The following LYPD6 variants were observed in gnomAD, a reference collection of about 807,000 sequenced individuals.
LYPD6 encodes the protein LY6/PLAUR domain containing 6.
In LYPD6, 15 loss-of-function variants were observed where a neutral mutation model predicts 22.7. That is an observed-to-expected ratio of 0.66 (90% CI 0.44 to 1.02). The LOEUF (loss-of-function observed/expected upper bound fraction) is 1.02. Among genes scored for constraint, LYPD6 ranks in the 50% least tolerant of loss-of-function variants. The pLI is 0.00. For synonymous variants in LYPD6, 72 were observed against 77.5 expected (o/e 0.93, Z 0.37); for missense variants, 189 against 208.4 (o/e 0.91, Z 0.57).
At chr2:149,460,646 A>G (rs1386300559) in intron 3 of LYPD6, among the ~76,000 whole-genome samples, 1 of 152,172 alleles carries the variant, frequency 6.6e-6, no homozygotes, top group Non-Finnish European at 1.5e-5. Flanking sequence ...TCTAATTGAC[A>G]TTTACAGAAC....
At chr2:149,479,607 T>C in the LYPD6 span, among the ~76,000 whole-genome samples, 5 of 152,266 alleles carry the variant, frequency 3.3e-5, no homozygotes, top group East Asian at 9.7e-4. Flanking sequence ...GGGTTTCTCC[T>C]TCACACTTCC....
At chr2:149,399,064 T>G (rs781641227) in intron 1 of LYPD6, among the ~76,000 whole-genome samples, 8 of 152,066 alleles carry the variant, frequency 5.3e-5, no homozygotes, top group Admixed American at 2.6e-4. Flanking sequence ...TATATGCAGT[T>G]ATGTAGTTGA....
At chr2:149,411,984 G>T (rs58222812) in intron 1 of LYPD6, among the ~76,000 whole-genome samples, 3,404 of 152,150 alleles carry the variant, frequency 0.022, 110 homozygotes, top group African/African-American at 0.078. Context: ...ATTAAAGTCT[G>T]TACGATATTC....
intron 3 of LYPD6, among the ~76,000 whole-genome samples, chr2:149,463,109 A>C (rs1681123215): frequency 6.6e-6 from 1 of 152,140 alleles, no homozygotes; most frequent in African/African-American, 2.4e-5. Context: ...AATGCAAGCT[A>C]TGAAATGGGA....
At chr2:149,474,508 T>G (rs1229750257), downstream of LYPD6, among the ~76,000 whole-genome samples, 1 of 152,042 alleles carries the variant, frequency 6.6e-6, no homozygotes, top group Non-Finnish European at 1.5e-5. Flanking sequence ...GCACCCAATC[T>G]CTGGTTATTT....
At chr2:149,408,450 A>G (rs575965589) in intron 1 of LYPD6, among the ~76,000 whole-genome samples, 27 of 152,294 alleles carry the variant, frequency 1.8e-4, no homozygotes, top group African/African-American at 6.5e-4. Flanking sequence ...TTGAATATCT[A>G]GATCTCTAGC....
downstream of LYPD6, among the ~76,000 whole-genome samples, chr2:149,474,559 C>T (rs1457667351): frequency 6.6e-6 from 1 of 152,140 alleles, no homozygotes; most frequent in Non-Finnish European, 1.5e-5. Flanking sequence ...ATCTTTTCCA[C>T]AAACTTATAT....
chr2:149,356,944 T>A (rs1319409880), intron 1 of LYPD6, among the ~76,000 whole-genome samples: 4 of 152,222 alleles, frequency 2.6e-5, no homozygotes, highest in Non-Finnish European at 4.4e-5. Context: ...TGTATGTACT[T>A]TTAGGCTGAG....
intron 3 of LYPD6, among the ~76,000 whole-genome samples, chr2:149,458,947 A>G (rs563490363): frequency 2.7e-4 from 41 of 152,316 alleles, no homozygotes; most frequent in African/African-American, 8.7e-4. Flanking sequence ...TCAGAGATCT[A>G]TGGAGCTGTA....
At chr2:149,401,590 T>C (rs1204320617) in intron 1 of LYPD6, among the ~76,000 whole-genome samples, 1 of 152,232 alleles carries the variant, frequency 6.6e-6, no homozygotes, top group African/African-American at 2.4e-5. Context: ...ACACATTTTC[T>C]ATATCTGGTG....
intron 1 of LYPD6, among the ~76,000 whole-genome samples, chr2:149,352,125 TGAG>T (rs1314475075): frequency 2.0e-5 from 3 of 151,658 alleles, no homozygotes; most frequent in East Asian, 1.9e-4. Context: ...GCCATCTAAA[TGAG>T]GAGGAAAAAA....
chr2:149,443,597 A>T (rs1683615370), intron 2 of LYPD6, among the ~76,000 whole-genome samples: 1 of 152,220 alleles, frequency 6.6e-6, no homozygotes, highest in Non-Finnish European at 1.5e-5. Flanking sequence ...AAGTATTTTA[A>T]ACTTGATAGG....
chr2:149,438,053 A>G (rs1475807522), intron 2 of LYPD6, among the ~76,000 whole-genome samples: 1 of 152,152 alleles, frequency 6.6e-6, no homozygotes. Flanking sequence ...TCTGTTCCCT[A>G]CACAATCACT....
intron 1 of LYPD6, among the ~76,000 whole-genome samples, chr2:149,420,445 T>G (rs947866948): frequency 6.6e-6 from 1 of 152,164 alleles, no homozygotes; most frequent in African/African-American, 2.4e-5. Context: ...GAGTGTATGT[T>G]CGTCCCTGGA....
At chr2:149,447,531 C>T (rs879891262) in intron 2 of LYPD6, among the ~76,000 whole-genome samples, 4 of 152,194 alleles carry the variant, frequency 2.6e-5, no homozygotes, top group Admixed American at 6.5e-5. Flanking sequence ...AAGAGGGTCA[C>T]CTCTGCATGG....
chr2:149,396,974 C>G (rs980380766), intron 1 of LYPD6, among the ~76,000 whole-genome samples: 3 of 152,182 alleles, frequency 2.0e-5, no homozygotes, highest in Middle Eastern at 3.2e-3. Context: ...CTTTGCAGCT[C>G]TCCTATATAC....
At chr2:149,391,608 T>C (rs1227752219) in intron 1 of LYPD6, among the ~76,000 whole-genome samples, 1 of 152,172 alleles carries the variant, frequency 6.6e-6, no homozygotes, top group Admixed American at 6.5e-5. Flanking sequence ...ATATACATTA[T>C]TTGATTTGCT....
chr2:149,459,407 T>C (rs1447614087), intron 3 of LYPD6, among the ~76,000 whole-genome samples: 2 of 152,134 alleles, frequency 1.3e-5, no homozygotes, highest in Non-Finnish European at 2.9e-5. Flanking sequence ...AAGCTCTATA[T>C]GCAGAAAGGA....
rs749099314 is a variant in LYPD6, at chr2:149,449,038, CT to C, written c.119-3del. 216 of 1,581,234 alleles carry C rather than the reference CT, an allele frequency of 1.4e-4. No individual in the cohort carries two copies. Among genetic ancestry groups the C allele is most frequent in the Middle Eastern group, 1.7e-4 (1 of 5,990 alleles). ...TAAAAATTAATCTTTTCTCTTAATCCTTTTTTTTAGCCACACCATATCCTGG... is the reference window on the plus strand; with the variant it reads ...TAAAAATTAATCTTTTCTCTTAATCCTTTTTTTAGCCACACCATATCCTGG... On this transcript the variant is annotated splice_polypyrimidine_tract_variant and intron_variant, in intron 2 of 4. Transcript: ENST00000334166.
Sources: allele counts gnomAD v4.1 joint callset (sites outside exome capture counted in the v4.1 genomes callset), GRCh38; gene constraint gnomAD v4.1.1; transcripts MANE v1.5; gene names NCBI Gene and HGNC (gene_info 2026-07-23, HGNC 2026-07-21).